TXLNB: variants seen among roughly 807,000 people sequenced by gnomAD.
TXLNB encodes the protein taxilin beta, also known as beta-taxilin.
In TXLNB, 37 loss-of-function variants were observed where a neutral mutation model predicts 57.4. The ratio of observed to expected loss-of-function variants is 0.64; its 90% CI spans 0.50 to 0.85. The LOEUF is 0.85. TXLNB is among the 40% of genes least tolerant of loss of function. TXLNB has a pLI of 0.00. For synonymous variants in TXLNB, 302 were observed against 309.6 expected (o/e 0.98, Z 0.26); for missense variants, 848 against 825.6 (o/e 1.03, Z -0.33).
the TXLNB span, among the ~76,000 whole-genome samples, chr6:139,321,488 C>A: frequency 0.039 from 5,883 of 151,494 alleles, 375 homozygotes; most frequent in African/African-American, 0.13. Flanking sequence ...TTATAAAATA[C>A]CCAGTCTATG....
chr6:139,314,884 C>T, the TXLNB span, among the ~76,000 whole-genome samples: 2 of 152,152 alleles, frequency 1.3e-5, no homozygotes, highest in Non-Finnish European at 2.9e-5. Flanking sequence ...GACTCTGAAA[C>T]GAAATTGCTA....
the TXLNB span, chr6:139,166,000 A>C: frequency 3.2e-6 from 1 of 312,438 alleles, no homozygotes; most frequent in Non-Finnish European, 5.8e-6. Flanking sequence ...AATCGGTATG[A>C]GACCGTCTAT....
At chr6:139,323,297 T>C in the TXLNB span, among the ~76,000 whole-genome samples, 1 of 151,458 alleles carries the variant, frequency 6.6e-6, no homozygotes, top group East Asian at 1.9e-4. Flanking sequence ...TTTTTTTTTT[T>C]TTTGAAACGG....
chr6:139,193,840 A>ATATATTTTTTTT, the TXLNB span, among the ~76,000 whole-genome samples: 1 of 85,236 alleles, frequency 1.2e-5, no homozygotes, highest in Admixed American at 1.3e-4. Context: ...ATATATATAT[A>ATATATTTTTTTT]TTTTTTTTTT....
the TXLNB span, among the ~76,000 whole-genome samples, chr6:139,304,702 A>C: frequency 6.6e-6 from 1 of 152,234 alleles, no homozygotes; most frequent in Non-Finnish European, 1.5e-5. Context: ...GAAACCAGAG[A>C]AACTAACAAT....
At chr6:139,164,732 G>A in the TXLNB span, among the ~76,000 whole-genome samples, 7 of 152,064 alleles carry the variant, frequency 4.6e-5, no homozygotes, top group Non-Finnish European at 7.4e-5. Flanking sequence ...GCTGTTAGTT[G>A]TGTGACTCCC....
chr6:139,167,982 TC>T, the TXLNB span, among the ~76,000 whole-genome samples: 3 of 152,300 alleles, frequency 2.0e-5, no homozygotes, highest in East Asian at 5.8e-4. Flanking sequence ...CTACTGAACT[TC>T]CATAAAGATG....
the TXLNB span, among the ~76,000 whole-genome samples, chr6:139,299,577 G>A: frequency 7.2e-5 from 11 of 152,128 alleles, no homozygotes; most frequent in African/African-American, 1.9e-4. Flanking sequence ...GCCAGCTATC[G>A]TGGGGTCTGC....
chr6:139,255,266 C>A, intron 7 of TXLNB: 1 of 405,624 alleles, frequency 2.5e-6, no homozygotes, highest in Non-Finnish European at 4.7e-6. Context: ...ATAAGAAGTG[C>A]TAGATGGGAA....
At chr6:139,167,269 C>T in the TXLNB span, 4 of 1,612,790 alleles carry the variant, frequency 2.5e-6, no homozygotes, top group Non-Finnish European at 2.5e-6. Flanking sequence ...GAACTTTGTT[C>T]CTAAGCCCGT....
intron 3 of TXLNB, among the ~76,000 whole-genome samples, chr6:139,275,535 G>A (rs886459636): frequency 6.6e-6 from 1 of 152,160 alleles, no homozygotes; most frequent in African/African-American, 2.4e-5. Flanking sequence ...AGTAGTTTGT[G>A]TGTCTAAAAA....
the TXLNB span, chr6:139,178,353 T>C: frequency 5.3e-5 from 8 of 152,280 alleles, no homozygotes; most frequent in Admixed American, 3.9e-4. Flanking sequence ...CATACCCTTA[T>C]AGAATTGGAA....
At chr6:139,178,499 T>C in the TXLNB span, 1 of 28,338 alleles carries the variant, frequency 3.5e-5, no homozygotes. Flanking sequence ...TGGTTTATAC[T>C]TTTTTTTTTT....
chr6:139,291,618 T>G (rs1777301897), intron 1 of TXLNB, among the ~76,000 whole-genome samples: 1 of 152,164 alleles, frequency 6.6e-6, no homozygotes, highest in South Asian at 2.1e-4. Context: ...GTCAGAGAAC[T>G]TTGTTACTTT....
chr6:139,296,787 C>T (rs1228168245), upstream of TXLNB, among the ~76,000 whole-genome samples: 2 of 152,204 alleles, frequency 1.3e-5, no homozygotes, highest in African/African-American at 4.8e-5. Flanking sequence ...TGGTGCGCAC[C>T]TGGTAGTCGC....
the TXLNB span, among the ~76,000 whole-genome samples, chr6:139,323,393 C>T: frequency 6.6e-6 from 1 of 151,870 alleles, no homozygotes; most frequent in Non-Finnish European, 1.5e-5. Flanking sequence ...AGCAATTCTC[C>T]TGCCTCAGCC....
At chr6:139,167,668 G>A in the TXLNB span, among the ~76,000 whole-genome samples, 52 of 152,286 alleles carry the variant, frequency 3.4e-4, no homozygotes, top group African/African-American at 1.2e-3. Context: ...ATCTAGCTGT[G>A]TATCCTCTTA....
At chr6:139,278,513 C>T (rs1776958961) in intron 2 of TXLNB, among the ~76,000 whole-genome samples, 1 of 152,204 alleles carries the variant, frequency 6.6e-6, no homozygotes, top group South Asian at 2.1e-4. Context: ...CCTCTACTGA[C>T]AGGGATGGAT....
At chr6:139,203,761 C>G in the TXLNB span, 1 of 152,188 alleles carries the variant, frequency 6.6e-6, no homozygotes, top group African/African-American at 2.4e-5. Flanking sequence ...ATGTGGTTGA[C>G]AGACCACTGA....
Sources: allele counts gnomAD v4.1 joint callset (sites outside exome capture counted in the v4.1 genomes callset), GRCh38; gene constraint gnomAD v4.1.1; transcripts MANE v1.5; gene names NCBI Gene and HGNC (gene_info 2026-07-23, HGNC 2026-07-21).